The following ZNF652 variants were observed in gnomAD, a reference collection of about 807,000 sequenced individuals.
ZNF652 encodes the protein zinc finger protein 652.
ZNF652 carries 16 observed loss-of-function variants against 45.2 expected under a neutral mutation model. The observed-to-expected ratio is 0.35, with a 90% CI of 0.24 to 0.54. The LOEUF (loss-of-function observed/expected upper bound fraction) is 0.54, where lower values mean the gene tolerates loss of function less well. ZNF652 is among the 20% of genes least tolerant of loss of function. The pLI is 0.91. For missense variants in ZNF652, 614 were observed against 765.6 expected, an observed-to-expected ratio of 0.80 and a Z score of 2.34; for synonymous variants, 250 against 260.6, an observed-to-expected ratio of 0.96 and a Z score of 0.39.
chr17:49,339,197 ATTTTTTTTT>A (rs34574898), intron 1 of ZNF652, among the ~76,000 whole-genome samples: 1 of 119,538 alleles, frequency 8.4e-6, no homozygotes, highest in Non-Finnish European at 1.7e-5. Flanking sequence ...GAGTTAGGAA[ATTTTTTTTT>A]TTTTTTTTTT....
intron 1 of ZNF652, among the ~76,000 whole-genome samples, chr17:49,332,624 G>A (rs990342071): frequency 6.6e-6 from 1 of 152,164 alleles, no homozygotes; most frequent in Admixed American, 6.5e-5. Context: ...TCACAGAGCA[G>A]ATTTTACCTT....
chr17:49,337,831 T>C (rs1438678595), intron 1 of ZNF652, among the ~76,000 whole-genome samples: 1 of 152,200 alleles, frequency 6.6e-6, no homozygotes, highest in Non-Finnish European at 1.5e-5. Context: ...TTTACAAGCT[T>C]TGATTATTAT....
chr17:49,309,539 A>AC (rs1467319750), intron 5 of ZNF652, among the ~76,000 whole-genome samples: 1 of 149,338 alleles, frequency 6.7e-6, no homozygotes, highest in Non-Finnish European at 1.5e-5. Context: ...AAACCAAAAA[A>AC]CCCCCCAAAA....
In ZNF652 at chr17:49,298,521, C is replaced by T. The variant is rs781501196; in HGVS notation, c.1713G>A (p.Pro571=). 2.2e-5 allele frequency: 35 copies of T among 1,594,826 alleles called. 1 individual carries two copies. Among genetic ancestry groups the T allele is most frequent in the South Asian group, 1.3e-4 (12 of 90,412 alleles). The change falls in exon 6 of 6, where the codon CCG becomes CCA. Residue 571 remains proline (P), a synonymous_variant. Transcript: ENST00000430262. ...CACTCTTAAAGAGAGCTGGAGGTGGCGGGAGGTGAGGGACTGGAGGGATGG... is the reference window on the plus strand; with the variant it reads ...CACTCTTAAAGAGAGCTGGAGGTGGTGGGAGGTGAGGGACTGGAGGGATGG... ...HLPIPPVPHL[P]PPPALFKSEP...
At chr17:49,343,656 ACTT>A (rs1453297837) in intron 1 of ZNF652, among the ~76,000 whole-genome samples, 1 of 151,714 alleles carries the variant, frequency 6.6e-6, no homozygotes, top group Admixed American at 6.6e-5. Flanking sequence ...AAAAAAAATA[ACTT>A]TTTTTTTTTT....
At chr17:49,325,826 A>AT (rs1249076393) in intron 1 of ZNF652, among the ~76,000 whole-genome samples, 2 of 151,980 alleles carry the variant, frequency 1.3e-5, no homozygotes, top group African/African-American at 2.4e-5. Flanking sequence ...ATTTTCTTTA[A>AT]TTTTTTTACT....
Position 49,327,759 on chromosome 17 carries a change from ATATATATATATATATATATATTTT to A in ZNF652, c.-258-9800_-258-9777del, listed in dbSNP as rs1460011816. 6.3e-3 allele frequency among the ~76,000 whole-genome samples: 61 copies of A among 9,668 alleles called. 1 individual carries two copies. Among genetic ancestry groups the A allele is most frequent in the African/African-American group, 0.01 (19 of 1,842 alleles). 6.3% of individuals were successfully genotyped at this position (9,668 alleles called of 152,430 possible). On this transcript the variant is annotated intron_variant, in intron 1 of 5. Transcript: ENST00000430262. ...TATATATATATATATATATATATAT[ATATATATATATATATATATATTTT>A]TTTTTTTTTTTTTTAGTAGAGATAG...
intron 5 of ZNF652, among the ~76,000 whole-genome samples, chr17:49,307,867 T>G (rs2069654595): frequency 6.6e-6 from 1 of 152,198 alleles, no homozygotes; most frequent in Admixed American, 6.5e-5. Flanking sequence ...TGTAATAAAT[T>G]ATAGCTAATA....
At chr17:49,352,192 T>C (rs1228125878) in intron 1 of ZNF652, among the ~76,000 whole-genome samples, 1 of 152,216 alleles carries the variant, frequency 6.6e-6, no homozygotes, top group Non-Finnish European at 1.5e-5. Context: ...TTTGTAAATA[T>C]ATATACTACT....
rs942396364 is a variant in ZNF652, at chr17:49,295,665, C to T, written c.*2748G>A. The T allele has an allele frequency of 7.9e-5, 12 of 152,136 alleles. No homozygotes were observed. In the East Asian group the frequency reaches 1.2e-3, roughly 15 times the overall value. The allele number at this position is 152,136 out of a possible 1,614,324, so 9.4% of individuals were successfully genotyped here. ...TTCAGAACAAAATAAGGCAGTTGGA[C>T]GTGGTGGCTCACGCCTGTAATCCCA... is the stretch of plus-strand genomic sequence containing the variant. On this transcript the variant is annotated 3_prime_UTR_variant, in exon 6 of 6. Coordinates refer to ENST00000430262, the MANE Select transcript of ZNF652 (RefSeq NM_001145365.3).
chr17:49,314,638 T>C (rs923986099), intron 2 of ZNF652, among the ~76,000 whole-genome samples: 4 of 152,178 alleles, frequency 2.6e-5, no homozygotes, highest in African/African-American at 9.7e-5. Context: ...ATATTAGGCA[T>C]AATGTGTATC....
chr17:49,320,674 A>G (rs1177362527), intron 1 of ZNF652, among the ~76,000 whole-genome samples: 1 of 152,238 alleles, frequency 6.6e-6, no homozygotes. Context: ...AACTACTATG[A>G]GTATCATTTA....
At chr17:49,356,636 G>C (rs2070340473) in intron 1 of ZNF652, among the ~76,000 whole-genome samples, 1 of 151,400 alleles carries the variant, frequency 6.6e-6, no homozygotes. Flanking sequence ...AAAATCTAAG[G>C]TGAGTCAAAG....
chr17:49,345,228 A>T (rs1470119165), intron 1 of ZNF652, among the ~76,000 whole-genome samples: 2 of 143,764 alleles, frequency 1.4e-5, no homozygotes, highest in African/African-American at 5.2e-5. Context: ...TTTGAGACAG[A>T]GTGTTGCTCT....
chr17:49,332,041 T>G (rs962469866), intron 1 of ZNF652, among the ~76,000 whole-genome samples: 2 of 152,088 alleles, frequency 1.3e-5, no homozygotes, highest in African/African-American at 2.4e-5. Flanking sequence ...CCCAGCATTT[T>G]GGGAGGCCAA....
chr17:49,324,164 G>A (rs773081082), intron 1 of ZNF652, among the ~76,000 whole-genome samples: 3 of 152,196 alleles, frequency 2.0e-5, no homozygotes, highest in Non-Finnish European at 4.4e-5. Flanking sequence ...GCTTCACCGT[G>A]CACTTTTACG....
intron 1 of ZNF652, among the ~76,000 whole-genome samples, chr17:49,324,501 C>T (rs2069934887): frequency 6.6e-6 from 1 of 151,742 alleles, no homozygotes; most frequent in Non-Finnish European, 1.5e-5. Flanking sequence ...AGCGATTCTC[C>T]TGCCTCAGCC....
At chr17:49,337,002 G>A (rs1461571489) in intron 1 of ZNF652, among the ~76,000 whole-genome samples, 1 of 129,144 alleles carries the variant, frequency 7.7e-6, no homozygotes, top group Admixed American at 8.7e-5. Flanking sequence ...AATAAAATCT[G>A]GTAACAATGC....
chr17:49,320,882 T>TTG (rs530923403), intron 1 of ZNF652, among the ~76,000 whole-genome samples: 11,029 of 110,292 alleles, frequency 0.1, 471 homozygotes, highest in Middle Eastern at 0.19. Flanking sequence ...AGACGGAGTC[T>TTG]CGCTGTCACC....
Sources: gnomAD v4.1 joint callset for allele counts (sites outside exome capture counted in the v4.1 genomes callset) on GRCh38, gnomAD v4.1.1 for gene constraint, MANE v1.5 for transcripts, NCBI Gene and HGNC (gene_info 2026-07-23, HGNC 2026-07-21) for gene names.